Variants in CADM1 observed in about 807,000 individuals in gnomAD.
The protein encoded by CADM1 is TSLC-1.
CADM1 carries 15 observed loss-of-function variants against 53.1 expected under a neutral mutation model. That is an observed-to-expected ratio of 0.28 (90% CI 0.19 to 0.44). The LOEUF is 0.44. CADM1 is among the 20% of genes least tolerant of loss of function. The pLI is 1.00. For missense variants in CADM1, 434 were observed against 611.3 expected, an observed-to-expected ratio of 0.71 and a Z score of 3.06; for synonymous variants, 281 against 243.0, an observed-to-expected ratio of 1.16 and a Z score of -1.45.
In CADM1 at chr11:115,171,664, C is replaced by T. The variant is rs1453234323; in HGVS notation, c.*4810G>A. 1 of 152,220 alleles carries T rather than the reference C, an allele frequency of 6.6e-6. No homozygotes were observed. The highest frequency in any genetic ancestry group is 1.5e-5 in the Non-Finnish European group (1 of 68,050). The allele number at this position is 152,220 out of a possible 1,614,324, so 9.4% of individuals were successfully genotyped here. ...GCTCAAAAGGCAAATGTACAGCAGT[C>T]ACCACCTCCTGTCTGCCTCAGCTCA... On this transcript the variant is annotated 3_prime_UTR_variant, in exon 12 of 12. Transcript: ENST00000331581.
chr11:115,371,813 T>C (rs1238693854), intron 1 of CADM1, among the ~76,000 whole-genome samples: 1 of 296 alleles, frequency 3.4e-3, no homozygotes, highest in Non-Finnish European at 6.8e-3. Context: ...TAATGGATTT[T>C]TTTTTTAAGT....
In CADM1 at chr11:115,373,594, AAAAAAAAAAAAAAAG is replaced by A. The variant is rs1470707903; in HGVS notation, c.124+130662_124+130676del. 6.3e-5 allele frequency among the ~76,000 whole-genome samples: 9 copies of A among 142,924 alleles called. No homozygotes were observed. The East Asian group carries it at 1.4e-3, about 22-fold the overall frequency. The allele number at this position is 142,924 out of a possible 152,430, so 93.8% of individuals were successfully genotyped here. On this transcript the variant is annotated intron_variant, in intron 1 of 11. Coordinates refer to ENST00000331581, the MANE Select transcript of CADM1 (RefSeq NM_001301043.2). ...GCAAGACTCTGTCTCAAAAAAAAAAAAAAAAAAAAAAAAAGAAGAAGAAGAAGAAGAAAGAATGTG... is the reference window on the plus strand; with the variant it reads ...GCAAGACTCTGTCTCAAAAAAAAAAAAAGAAGAAGAAGAAGAAAGAATGTG...
intron 1 of CADM1, among the ~76,000 whole-genome samples, chr11:115,467,082 G>A (rs1030735453): frequency 3.9e-5 from 6 of 152,120 alleles, no homozygotes; most frequent in Admixed American, 1.3e-4. Context: ...AATAAACTGC[G>A]GCAGCACCTG....
intron 1 of CADM1, among the ~76,000 whole-genome samples, chr11:115,458,493 AATTATTATT>A (rs67114126): frequency 0.024 from 3,398 of 143,568 alleles, 88 homozygotes; most frequent in African/African-American, 0.069. Context: ...TGTTAGCTGT[AATTATTATT>A]ATTATTATTA....
chr11:115,460,128 C>G (rs1353830985), intron 1 of CADM1, among the ~76,000 whole-genome samples: 2 of 151,914 alleles, frequency 1.3e-5, no homozygotes, highest in African/African-American at 2.4e-5. Context: ...CCTTCCAAAC[C>G]CCCTCTCCTG....
chr11:115,235,786 ACT>A (rs1565315654), intron 3 of CADM1, among the ~76,000 whole-genome samples: 1 of 152,192 alleles, frequency 6.6e-6, no homozygotes, highest in Non-Finnish European at 1.5e-5. Flanking sequence ...GAAGGACAGG[ACT>A]GTGATAATAT....
At chr11:115,482,768 G>A (rs183855939) in intron 1 of CADM1, among the ~76,000 whole-genome samples, 45 of 152,274 alleles carry the variant, frequency 3.0e-4, no homozygotes, top group African/African-American at 1.1e-3. Context: ...GAAAAAGGTT[G>A]TAGTGAGGTT....
chr11:115,189,387 G>C (rs1385090264), intron 10 of CADM1, among the ~76,000 whole-genome samples: 1 of 152,162 alleles, frequency 6.6e-6, no homozygotes, highest in Non-Finnish European at 1.5e-5. Flanking sequence ...ATTGTGCCAA[G>C]AGGGATCAGG....
At chr11:115,232,877 G>T (rs45520932) in intron 3 of CADM1, among the ~76,000 whole-genome samples, 19,214 of 152,156 alleles carry the variant, frequency 0.13, 1,532 homozygotes, top group Middle Eastern at 0.2. Flanking sequence ...CAACTCAGAA[G>T]AGAAACAAGA....
intron 1 of CADM1, among the ~76,000 whole-genome samples, chr11:115,375,542 T>TGAACACAGA (rs1946416709): frequency 6.6e-6 from 1 of 152,178 alleles, no homozygotes; most frequent in East Asian, 1.9e-4. Context: ...TTCAGCAATA[T>TGAACACAGA]GAACACAGAG....
At chr11:115,370,211 T>A (rs1436180521) in intron 1 of CADM1, among the ~76,000 whole-genome samples, 1 of 152,118 alleles carries the variant, frequency 6.6e-6, no homozygotes, top group Non-Finnish European at 1.5e-5. Flanking sequence ...ACCACAGAGA[T>A]GCCTAGAGGG....
intron 1 of CADM1, among the ~76,000 whole-genome samples, chr11:115,259,705 C>G (rs755378866): frequency 6.6e-6 from 1 of 152,094 alleles, no homozygotes; most frequent in South Asian, 2.1e-4. Context: ...CCTTAACGTT[C>G]GGTATAGCCC....
In CADM1 at chr11:115,324,825, G is replaced by A. The variant is rs534571685; in HGVS notation, c.125-84405C>T. Among the ~76,000 whole-genome samples the A allele has an allele frequency of 2.0e-5, 3 of 152,280 alleles. No individual in the cohort carries two copies. In the South Asian group the frequency reaches 6.2e-4, roughly 32 times the overall value. On this transcript the variant is annotated intron_variant, in intron 1 of 11. Coordinates refer to ENST00000331581, the MANE Select transcript of CADM1 (RefSeq NM_001301043.2). ...GAAAGCAAAGTTAAAAGGCTGGTGT[G>A]TGTCTAGATTGAAGCGCTGAAGAAT...
intron 1 of CADM1, among the ~76,000 whole-genome samples, chr11:115,353,863 A>G (rs1945797312): frequency 6.6e-6 from 1 of 152,180 alleles, no homozygotes; most frequent in South Asian, 2.1e-4. Flanking sequence ...CCTAACAATC[A>G]GGAACTAGGA....
rs545448171 is a variant in CADM1 at position 115,295,807 on chromosome 11, T to C, written c.125-55387A>G. ...TCTCTCACCATGACTTGGGGTTTCCTGTTTCTATGCTTTATCTAATGCTGG... is the reference window on the plus strand; with the variant it reads ...TCTCTCACCATGACTTGGGGTTTCCCGTTTCTATGCTTTATCTAATGCTGG... On this transcript the variant is annotated intron_variant, in intron 1 of 11. Coordinates refer to ENST00000331581, the MANE Select transcript of CADM1 (RefSeq NM_001301043.2). Among the ~76,000 whole-genome samples, 3 of 152,078 alleles carry C rather than the reference T, an allele frequency of 2.0e-5. No homozygotes were observed. In the East Asian group the frequency reaches 5.8e-4, roughly 30 times the overall value.
In CADM1 at chr11:115,404,347, ATATATATATAT is replaced by A. The variant is rs1310713464; in HGVS notation, c.124+99913_124+99923del. Among the ~76,000 whole-genome samples, 13 of 43,556 alleles carry A rather than the reference ATATATATATAT, an allele frequency of 3.0e-4. 2 individuals carry two copies. Among genetic ancestry groups the A allele is most frequent in the Admixed American group, 3.9e-4 (1 of 2,540 alleles). 28.6% of individuals were successfully genotyped at this position (43,556 alleles called of 152,430 possible). A position where few individuals can be genotyped will look rare whatever the true frequency, so the allele number is the denominator to read the frequency against. ...TCTCGGAAAAAAAAAAAAAAAAAAA[ATATATATATAT>A]ATATATATATATATATATATATATA... On this transcript the variant is annotated intron_variant, in intron 1 of 11. Coordinates refer to ENST00000331581, the MANE Select transcript of CADM1 (RefSeq NM_001301043.2).
intron 1 of CADM1, among the ~76,000 whole-genome samples, chr11:115,389,449 A>G: frequency 6.6e-6 from 1 of 152,232 alleles, no homozygotes; most frequent in Non-Finnish European, 1.5e-5. Context: ...TTGTCAAAGC[A>G]TTGTTTATAA....
intron 9 of CADM1, among the ~76,000 whole-genome samples, chr11:115,195,865 G>C (rs940228002): frequency 1.3e-5 from 2 of 152,130 alleles, no homozygotes; most frequent in African/African-American, 4.8e-5. Context: ...ACAGTGGCTG[G>C]AGCCCTTTGT....
intron 1 of CADM1, among the ~76,000 whole-genome samples, chr11:115,258,870 A>G (rs747272157): frequency 2.0e-5 from 3 of 152,204 alleles, no homozygotes; most frequent in African/African-American, 4.8e-5. Flanking sequence ...AAGCACAATC[A>G]TTTTTATTTT....
Sources: gnomAD v4.1 joint callset for allele counts (sites outside exome capture counted in the v4.1 genomes callset) on GRCh38, gnomAD v4.1.1 for gene constraint, MANE v1.5 for transcripts, NCBI Gene and HGNC (gene_info 2026-07-23, HGNC 2026-07-21) for gene names.